Variants in DBNL observed in about 807,000 individuals in gnomAD.
DBNL encodes drebrin like.
In DBNL, 35 loss-of-function variants were observed where a neutral mutation model predicts 62.2. The ratio of observed to expected loss-of-function variants is 0.56; its 90% CI spans 0.43 to 0.75. The LOEUF is 0.75. Among genes scored for constraint, DBNL ranks in the 30% least tolerant of loss-of-function variants. DBNL has a pLI of 0.00. For synonymous variants in DBNL, 197 were observed against 218.0 expected (o/e 0.90, Z 0.85); for missense variants, 495 against 578.4 (o/e 0.86, Z 1.48).
chr7:44,062,400 T>C lies in DBNL; in HGVS notation c.*1484T>C. On this transcript the variant is annotated 3_prime_UTR_variant, in exon 13 of 13. Coordinates refer to ENST00000448521, the MANE Select transcript of DBNL (RefSeq NM_001014436.3). ...CTGCAGGAAGCTGTCCAGGAAGCCG[T>C]GTCCTGGGCTGTGGTCCTTGCTCCC... The C allele has an allele frequency of 3.1e-6, 1 of 323,056 alleles. No homozygotes were observed. The highest frequency in any genetic ancestry group is 4.2e-5 in the Admixed American group (1 of 23,678). The allele number at this position is 323,056 out of a possible 1,614,324, so 20.0% of individuals were successfully genotyped here. A position where few individuals can be genotyped will look rare whatever the true frequency, so the allele number is the denominator to read the frequency against.
chr7:44,053,968 G>A (rs147673724), intron 4 of DBNL, among the ~76,000 whole-genome samples: 20 of 152,176 alleles, frequency 1.3e-4, no homozygotes, highest in African/African-American at 2.9e-4. Flanking sequence ...GAACCACCAC[G>A]CCCAGCCCAG....
At position 44,065,656 on chromosome 7, in the gene DBNL, G is replaced by C. The variant is rs370884549; in HGVS notation, c.*4740G>C. The C allele has an allele frequency of 3.3e-6, 3 of 920,482 alleles. No individual in the cohort carries two copies. In the African/African-American group the frequency reaches 4.8e-5, roughly 15 times the overall value. The allele number at this position is 920,482 out of a possible 1,614,324, so 57.0% of individuals were successfully genotyped here. On this transcript the variant is annotated 3_prime_UTR_variant, in exon 13 of 13. Coordinates refer to ENST00000448521, the MANE Select transcript of DBNL (RefSeq NM_001014436.3). ...ACTGCCAATCAGCATTCCAGGCGGT[G>C]GCAGGTGACCAGTAGCTGAGCTGCT...
rs2096156599 is a variant in DBNL, at chr7:44,064,964, T to G, written c.*4048T>G. On this transcript the variant is annotated 3_prime_UTR_variant, in exon 13 of 13. Coordinates refer to ENST00000448521, the MANE Select transcript of DBNL (RefSeq NM_001014436.3). Reference sequence around the variant, plus strand: ...GCCCGGGCAATGGTGTCCTTGAGGCTCTCGCAGGTGGGGAGTTCCCCGGGC... The same window carrying G: ...GCCCGGGCAATGGTGTCCTTGAGGCGCTCGCAGGTGGGGAGTTCCCCGGGC... The G allele has an allele frequency of 3.1e-6, 5 of 1,608,042 alleles. No homozygotes were observed. The highest frequency in any genetic ancestry group is 3.3e-4 in the Middle Eastern group (2 of 6,072).
chr7:44,057,701 T>A, intron 5 of DBNL, 81 bp from the exon 6 acceptor site: 4 of 1,527,530 alleles, frequency 2.6e-6, no homozygotes, highest in Non-Finnish European at 3.6e-6. Context: ...TGTCGCAAGT[T>A]TAGCGTATTC....
In DBNL at chr7:44,060,143, C is replaced by T; in HGVS notation, c.1143C>T (p.Asp381=). ...GGCTCTGTGCCCGTGCCCTGTACGACTACCAGGCAGGTAAGGTGCCCTGGC... is the reference window on the plus strand; with the variant it reads ...GGCTCTGTGCCCGTGCCCTGTACGATTACCAGGCAGGTAAGGTGCCCTGGC... ...GQGLCARALY[D]YQAADDTEIS... Residue 381 remains aspartate, a synonymous_variant, in exon 12 of 13, where the codon GAC becomes GAT. Transcript: ENST00000448521. This position sits in a 1 kb window ranked among gnomAD's most constrained non-coding sequence, Gnocchi z 6.3. 1.2e-6 allele frequency: 2 copies of T among 1,610,800 alleles called. No homozygotes were observed. Among genetic ancestry groups the T allele is most frequent in the Non-Finnish European group, 1.7e-6 (2 of 1,177,706 alleles).
At position 44,064,793 on chromosome 7, in the gene DBNL, G is replaced by GGCCCCCCCCCCCCCCCCC; in HGVS notation, c.*3877_*3878insGCCCCCCCCCCCCCCCCC. ...AGATGAGAAGCCAGCTGGGGCTGCT[G>GGCCCCCCCCCCCCCCCCC]CCCACCCACCCTGCCCAGGCTCCTG... On this transcript the variant is annotated 3_prime_UTR_variant, in exon 13 of 13. Coordinates refer to ENST00000448521, the MANE Select transcript of DBNL (RefSeq NM_001014436.3). 19 of 1,136,920 alleles carry GGCCCCCCCCCCCCCCCCC rather than the reference G, an allele frequency of 1.7e-5. No homozygotes were observed. Among genetic ancestry groups the GGCCCCCCCCCCCCCCCCC allele is most frequent in the East Asian group, 1.0e-4 (4 of 40,032 alleles). The allele number at this position is 1,136,920 out of a possible 1,614,324, so 70.4% of individuals were successfully genotyped here.
At chr7:44,052,497 C>CTTG (rs2096128334) in intron 3 of DBNL, among the ~76,000 whole-genome samples, 6 of 151,878 alleles carry the variant, frequency 4.0e-5, no homozygotes, top group Non-Finnish European at 7.4e-5. Flanking sequence ...GTAGTCCCAG[C>CTTG]TACTCAGGAG....
Position 44,058,265 on chromosome 7 carries a change from A to C in DBNL, c.689A>C (p.Glu230Ala), listed in dbSNP as rs760569925. Residue 230 changes from glutamate to alanine, a missense_variant, in exon 7 of 13, where the codon GAG (glutamate) becomes GCG (alanine). Glu to Ala is a moderately radical substitution (Grantham distance 107). Transcript: ENST00000448521. ...CAGCGCTATCAGGAGCAGGGTGGCGAGGCCAGCCCCCAGAGGTGAGCCAGA... is the reference window on the plus strand; with the variant it reads ...CAGCGCTATCAGGAGCAGGGTGGCGCGGCCAGCCCCCAGAGGTGAGCCAGA... ...REQRYQEQGG[E>A]ASPQRTWEQQ... is the part of the protein sequence containing the mutation. 1.1e-5 allele frequency: 18 copies of C among 1,576,172 alleles called. No homozygotes were observed. The highest frequency in any genetic ancestry group is 1.5e-5 in the Non-Finnish European group (18 of 1,161,516).
chr7:44,056,164 A>G (rs1424944861), intron 4 of DBNL, among the ~76,000 whole-genome samples: 5 of 152,098 alleles, frequency 3.3e-5, no homozygotes, highest in African/African-American at 1.2e-4. Flanking sequence ...CTGTTTATGA[A>G]GGAGACCGTC....
intron 1 of DBNL, among the ~76,000 whole-genome samples, chr7:44,048,792 T>G (rs1479939080): frequency 1.3e-5 from 2 of 152,220 alleles, no homozygotes; most frequent in African/African-American, 4.8e-5. Flanking sequence ...CTGCTGGGGA[T>G]GTTCAGTTGC....
chr7:44,053,379 C>A (rs1289396202), intron 4 of DBNL, among the ~76,000 whole-genome samples: 1 of 152,184 alleles, frequency 6.6e-6, no homozygotes, highest in African/African-American at 2.4e-5. Flanking sequence ...TATAATAGAA[C>A]CTTTTTAAAT....
In DBNL at chr7:44,059,905, CG is replaced by C; in HGVS notation, c.1048-139del. ...CTGTGGCTTCTGTACTCTGGTAGGGCGGGGACAGCAGCAGCCCAGCCCCCGA... is the reference window on the plus strand; with the variant it reads ...CTGTGGCTTCTGTACTCTGGTAGGGCGGGACAGCAGCAGCCCAGCCCCCGA... On this transcript the variant is annotated intron_variant, in intron 11 of 12. Coordinates refer to ENST00000448521, the MANE Select transcript of DBNL (RefSeq NM_001014436.3). This position sits in a 1 kb window ranked among gnomAD's most constrained non-coding sequence, Gnocchi z 4.1. The C allele has an allele frequency of 1.1e-5, 9 of 849,782 alleles. No individual in the cohort carries two copies. The highest frequency in any genetic ancestry group is 1.7e-5 in the Non-Finnish European group (9 of 532,988). 52.6% of individuals were successfully genotyped at this position (849,782 alleles called of 1,614,324 possible).
At chr7:44,053,802 G>A (rs1042838100) in intron 4 of DBNL, among the ~76,000 whole-genome samples, 1 of 151,688 alleles carries the variant, frequency 6.6e-6, no homozygotes, top group Non-Finnish European at 1.5e-5. Context: ...TCAGCCTCCC[G>A]ATTAGCTGGG....
In DBNL at chr7:44,060,026, C is replaced by G; in HGVS notation, c.1048-22C>G. The G allele has an allele frequency of 6.2e-7, 1 of 1,608,036 alleles. No individual in the cohort carries two copies. Among genetic ancestry groups the G allele is most frequent in the Non-Finnish European group, 8.5e-7 (1 of 1,175,710 alleles). On this transcript the variant is annotated intron_variant, in intron 11 of 12. Transcript: ENST00000448521. The surrounding 1 kb of genome is among the most constrained non-coding windows in gnomAD (Gnocchi z 6.3). Reference sequence around the variant, plus strand: ...TGTGTAAGGGCTGAGTCTGGGGTAACACCTTTGTCATCCCTGGGCAGGTGC... The same window carrying G: ...TGTGTAAGGGCTGAGTCTGGGGTAAGACCTTTGTCATCCCTGGGCAGGTGC...
intron 1 of DBNL, among the ~76,000 whole-genome samples, chr7:44,045,047 G>T (rs921359024): frequency 2.4e-4 from 36 of 152,196 alleles, no homozygotes; most frequent in African/African-American, 8.2e-4. Flanking sequence ...GGCTTGGGGG[G>T]ACCCAGTGAG....
At chr7:44,058,722 C>A in intron 8 of DBNL, 180 bp from the exon 9 acceptor site, 1 of 847,558 alleles carries the variant, frequency 1.2e-6, no homozygotes, top group Non-Finnish European at 1.8e-6. Context: ...CTGTGTTTTA[C>A]TTCCTTTTTT....
Position 44,058,915 on chromosome 7 carries a change from A to C in DBNL, c.767A>C (p.His256Pro). The C allele has an allele frequency of 1.2e-6, 2 of 1,613,644 alleles. No homozygotes were observed. Among genetic ancestry groups the C allele is most frequent in the Non-Finnish European group, 1.7e-6 (2 of 1,179,916 alleles). ...GCTTCCCTCCAGGAGTCTGCCGTGC[A>C]CCCGAGGGAGATTTTCAAGCAGAAG... is the stretch of plus-strand genomic sequence containing the variant. The part of the protein sequence containing the change: ...RNRNEQESAV[H>P]PREIFKQKER... Residue 256 changes from histidine to proline, a missense_variant, in exon 9 of 13, where the codon CAC becomes CCC. His to Pro is a moderately conservative substitution (Grantham distance 77). Transcript: ENST00000448521.
In DBNL at chr7:44,065,587, C is replaced by T. The variant is rs546890463; in HGVS notation, c.*4671C>T. On this transcript the variant is annotated 3_prime_UTR_variant, in exon 13 of 13. Transcript: ENST00000448521. ...GGGGACGGCTGCTTCCCAACACTCCCAGCTTTATAATAGTGTCTTCCCAGC... is the reference window on the plus strand; with the variant it reads ...GGGGACGGCTGCTTCCCAACACTCCTAGCTTTATAATAGTGTCTTCCCAGC... 27 of 1,530,598 alleles carry T rather than the reference C, an allele frequency of 1.8e-5. No homozygotes were observed. In the East Asian group the frequency reaches 2.5e-4, roughly 14 times the overall value. 94.8% of individuals were successfully genotyped at this position (1,530,598 alleles called of 1,614,324 possible).
intron 8 of DBNL, 91 bp from the exon 9 acceptor site, chr7:44,058,811 G>T (rs1176398646): frequency 2.1e-6 from 3 of 1,462,390 alleles, no homozygotes; most frequent in Non-Finnish European, 2.9e-6. Flanking sequence ...CCTTTGAGGG[G>T]CTACTGGGCC....
Sources: allele counts gnomAD v4.1 joint callset (sites outside exome capture counted in the v4.1 genomes callset), GRCh38; gene constraint gnomAD v4.1.1; non-coding constraint Gnocchi (gnomAD v3.1); transcripts MANE v1.5; gene names NCBI Gene and HGNC (gene_info 2026-07-23, HGNC 2026-07-21).